Variants in TSHZ2 observed in about 807,000 individuals in gnomAD.
TSHZ2 encodes teashirt zinc finger homeobox 2.
Under a neutral mutation model 74.4 loss-of-function variants are expected in TSHZ2, and 21 were observed. The observed-to-expected ratio is 0.28, with a 90% CI of 0.20 to 0.41. TSHZ2 has a LOEUF of 0.41. Among genes scored for constraint, TSHZ2 ranks in the 10% least tolerant of loss-of-function variants. The pLI, the probability that TSHZ2 is intolerant of heterozygous loss-of-function variation, is 1.00. For synonymous variants in TSHZ2, 540 were observed against 515.3 expected (o/e 1.05, Z -0.65); for missense variants, 1,244 against 1,293.5 (o/e 0.96, Z 0.59).
At chr20:53,190,422 G>T (rs560965071) in intron 1 of TSHZ2, among the ~76,000 whole-genome samples, 113 of 151,868 alleles carry the variant, frequency 7.4e-4, no homozygotes, top group African/African-American at 2.7e-3. Context: ...CCCCTCTAGT[G>T]GTTCTAATGA....
At chr20:53,294,911 G>A (rs560966786) in intron 2 of TSHZ2, among the ~76,000 whole-genome samples, 3 of 152,270 alleles carry the variant, frequency 2.0e-5, no homozygotes, top group Non-Finnish European at 2.9e-5. Context: ...ACACTACTGC[G>A]GTTACATAAA....
At chr20:53,367,416 TAATAA>T (rs1893084580) in intron 2 of TSHZ2, among the ~76,000 whole-genome samples, 2 of 151,436 alleles carry the variant, frequency 1.3e-5, no homozygotes, top group East Asian at 1.9e-4. Context: ...AAAAATAAAA[TAATAA>T]AATAAATTTT....
chr20:53,488,252 T>C lies in TSHZ2; in HGVS notation c.*1117T>C, dbSNP rs560344738. 3.9e-5 allele frequency: 6 copies of C among 152,352 alleles called. No individual in the cohort carries two copies. In the South Asian group the frequency reaches 1.2e-3, roughly 32 times the overall value. The allele number at this position is 152,352 out of a possible 1,614,324, so 9.4% of individuals were successfully genotyped here. On this transcript the variant is annotated 3_prime_UTR_variant, in exon 3 of 3. Transcript: ENST00000371497. ...TCCATTAAAAGCCCGTTAAAGTTAA[T>C]TTAACGTAAAAATTCCAATAGAACT...
At chr20:53,008,218 A>G (rs1982716806) in intron 1 of TSHZ2, among the ~76,000 whole-genome samples, 1 of 152,198 alleles carries the variant, frequency 6.6e-6, no homozygotes, top group South Asian at 2.1e-4. Context: ...GAAACACTGG[A>G]TGGAAAGAGG....
intron 1 of TSHZ2, among the ~76,000 whole-genome samples, chr20:53,172,180 G>C (rs1402830677): frequency 1.3e-5 from 2 of 152,172 alleles, no homozygotes; most frequent in African/African-American, 4.8e-5. Context: ...TATCAATTTT[G>C]GTTGGTTTTA....
intron 2 of TSHZ2, among the ~76,000 whole-genome samples, chr20:53,340,647 TG>T (rs1466376437): frequency 6.6e-6 from 1 of 152,250 alleles, no homozygotes; most frequent in Non-Finnish European, 1.5e-5. Context: ...AGGATCCCCA[TG>T]TAGCCTTCAC....
At chr20:53,436,452 A>G (rs1210448642) in intron 2 of TSHZ2, among the ~76,000 whole-genome samples, 2 of 152,022 alleles carry the variant, frequency 1.3e-5, no homozygotes, top group African/African-American at 2.4e-5. Flanking sequence ...CTGTGTTTCT[A>G]CATCTGAAGC....
chr20:53,298,161 T>C (rs1991416022), intron 2 of TSHZ2, among the ~76,000 whole-genome samples: 1 of 152,214 alleles, frequency 6.6e-6, no homozygotes, highest in Non-Finnish European at 1.5e-5. Context: ...TGCATTCATT[T>C]AGATAAATAT....
At chr20:53,340,122 G>T (rs1600818723) in intron 2 of TSHZ2, among the ~76,000 whole-genome samples, 1 of 151,780 alleles carries the variant, frequency 6.6e-6, no homozygotes, top group Admixed American at 6.6e-5. Flanking sequence ...ATGCCTGGTG[G>T]GGGGAAGAGC....
chr20:53,307,157 C>T (rs915683624), intron 2 of TSHZ2, among the ~76,000 whole-genome samples: 10 of 151,706 alleles, frequency 6.6e-5, no homozygotes, highest in African/African-American at 2.2e-4. Context: ...CGGCAGGTGA[C>T]GCTCCTGGAA....
chr20:53,464,333 A>G (rs1985491016), intron 2 of TSHZ2, among the ~76,000 whole-genome samples: 1 of 152,214 alleles, frequency 6.6e-6, no homozygotes, highest in African/African-American at 2.4e-5. Context: ...GGAGAAGAAA[A>G]GATCTTTCTG....
At chr20:53,213,205 G>A (rs1191630287) in intron 1 of TSHZ2, among the ~76,000 whole-genome samples, 1 of 152,112 alleles carries the variant, frequency 6.6e-6, no homozygotes, top group Admixed American at 6.5e-5. Context: ...TACAAATCTA[G>A]CTACCTTAGG....
At chr20:53,154,144 A>T (rs1987738216) in intron 1 of TSHZ2, among the ~76,000 whole-genome samples, 1 of 152,212 alleles carries the variant, frequency 6.6e-6, no homozygotes, top group Admixed American at 6.5e-5. Context: ...AAACAAGGCC[A>T]ATTTACCAGC....
intron 1 of TSHZ2, among the ~76,000 whole-genome samples, chr20:53,220,318 G>A (rs191017878): frequency 7.9e-5 from 12 of 152,242 alleles, no homozygotes; most frequent in South Asian, 2.1e-4. Context: ...ACATACACAC[G>A]TTCATACACA....
intron 2 of TSHZ2, among the ~76,000 whole-genome samples, chr20:53,393,503 C>T (rs1356724697): frequency 1.3e-5 from 2 of 152,150 alleles, no homozygotes; most frequent in Admixed American, 1.3e-4. Flanking sequence ...TGAAGTAATG[C>T]ACATAAAACA....
intron 1 of TSHZ2, 147 bp from the exon 2 acceptor site, chr20:53,253,352 T>G (rs1990371241): frequency 2.9e-5 from 37 of 1,289,828 alleles, no homozygotes; most frequent in Non-Finnish European, 3.7e-5. Flanking sequence ...CCATTTGGCT[T>G]TTCCTGTGTC....
chr20:53,229,411 C>T (rs894431866), intron 1 of TSHZ2, among the ~76,000 whole-genome samples: 1 of 152,166 alleles, frequency 6.6e-6, no homozygotes. Flanking sequence ...TTTATATCAA[C>T]AATTGGCCCT....
chr20:53,040,317 G>A (rs1600660896), intron 1 of TSHZ2, among the ~76,000 whole-genome samples: 5 of 152,170 alleles, frequency 3.3e-5, no homozygotes, highest in Admixed American at 3.3e-4. Flanking sequence ...ATTTGGAGCC[G>A]CATGGCACCT....
At chr20:53,008,985 CTCTCTCT>C (rs1982749946) in intron 1 of TSHZ2, among the ~76,000 whole-genome samples, 1 of 10,998 alleles carries the variant, frequency 9.1e-5, no homozygotes, top group Non-Finnish European at 7.7e-4. Flanking sequence ...TTTCTCCTCT[CTCTCTCT>C]CTCTCTCTCT....
Sources: allele counts gnomAD v4.1 joint callset (sites outside exome capture counted in the v4.1 genomes callset), GRCh38; gene constraint gnomAD v4.1.1; transcripts MANE v1.5; gene names NCBI Gene and HGNC (gene_info 2026-07-23, HGNC 2026-07-21).